Variants in UGT2A3 observed in about 807,000 individuals in gnomAD.
The protein encoded by UGT2A3 is UDP-glucuronosyltransferase 2A3.
UGT2A3 carries 55 observed loss-of-function variants against 44.1 expected under a neutral mutation model. The ratio of observed to expected loss-of-function variants is 1.25; its 90% CI spans 1.00 to 1.56. The LOEUF is 1.56. Ranked by LOEUF, UGT2A3 falls within the 40% of genes most tolerant of loss-of-function variation. The pLI is 0.00. For missense variants in UGT2A3, 733 were observed against 621.6 expected (o/e 1.18, Z -1.91); for synonymous variants, 243 against 215.1 (o/e 1.13, Z -1.13).
In UGT2A3 at chr4:68,951,771, C is replaced by G. The variant is rs952009345; in HGVS notation, c.-11G>C. On this transcript the variant is annotated 5_prime_UTR_variant, in exon 1 of 6. Coordinates refer to ENST00000251566, the MANE Select transcript of UGT2A3 (RefSeq NM_024743.4). ...CTTGTCAGACCTCATGATGGCAGTT[C>G]CCTCACACACTGATCTGCAATGGTT... 25 of 1,550,766 alleles carry G rather than the reference C, an allele frequency of 1.6e-5. No homozygotes were observed. The highest frequency in any genetic ancestry group is 2.0e-5 in the Non-Finnish European group (23 of 1,147,678).
chr4:68,937,406 C>G (rs551814240), intron 2 of UGT2A3, among the ~76,000 whole-genome samples: 6 of 152,246 alleles, frequency 3.9e-5, no homozygotes, highest in Admixed American at 3.9e-4. Flanking sequence ...GATTAAGAAA[C>G]TCACTCAAAA....
intron 2 of UGT2A3, among the ~76,000 whole-genome samples, chr4:68,936,605 A>G (rs1717961438): frequency 6.6e-6 from 1 of 152,066 alleles, no homozygotes; most frequent in Non-Finnish European, 1.5e-5. Flanking sequence ...CACTGCAAAA[A>G]CATGCCAAAT....
Position 68,945,464 on chromosome 4 carries a change from A to G in UGT2A3, c.716-10T>C. 1 of 1,585,364 alleles carries G rather than the reference A, an allele frequency of 6.3e-7. No individual in the cohort carries two copies. Among genetic ancestry groups the G allele is most frequent in the Non-Finnish European group, 8.6e-7 (1 of 1,165,976 alleles). ...AATGTAGTGGGCCTTCCTCAATAAA[A>G]GAAATAACAGAATGAATTAGCATAC... On this transcript the variant is annotated splice_polypyrimidine_tract_variant and intron_variant, in intron 1 of 5. Coordinates refer to ENST00000251566, the MANE Select transcript of UGT2A3 (RefSeq NM_024743.4).
At chr4:68,944,382 C>T (rs1037995472) in intron 2 of UGT2A3, among the ~76,000 whole-genome samples, 4 of 151,772 alleles carry the variant, frequency 2.6e-5, no homozygotes, top group South Asian at 2.1e-4. Flanking sequence ...TATCCTAGAA[C>T]CTTGTCAGGT....
At chr4:68,947,263 T>C (rs549000671) in intron 1 of UGT2A3, among the ~76,000 whole-genome samples, 1 of 151,786 alleles carries the variant, frequency 6.6e-6, no homozygotes, top group Non-Finnish European at 1.5e-5. Flanking sequence ...TTCAACAATG[T>C]TCATAGCATT....
At position 68,930,678 on chromosome 4, in the gene UGT2A3, A is replaced by AG; in HGVS notation, c.1171_1172insC (p.Val391AlafsTer6). 1 of 1,613,282 alleles carries AG rather than the reference A, an allele frequency of 6.2e-7. No individual in the cohort carries two copies. The highest frequency in any genetic ancestry group is 8.5e-7 in the Non-Finnish European group (1 of 1,179,558). ...ATCAAGCTGATCACCAAATATGGGAACTCCCACCATAGGGACCCCATGGTA... is the reference window on the plus strand; with the variant it reads ...ATCAAGCTGATCACCAAATATGGGAAGCTCCCACCATAGGGACCCCATGGTA... On this transcript the variant is annotated frameshift_variant, in exon 5 of 6. Coordinates refer to ENST00000251566, the MANE Select transcript of UGT2A3 (RefSeq NM_024743.4). LOFTEE classifies it high-confidence loss of function.
rs758648532 is a variant in UGT2A3, at chr4:68,951,694, A to C, written c.67T>G (p.Cys23Gly). ...CAGGGCCACACCAGGACTTTCCCAC[A>C]GAATCCACAGCCAACACAGAAGAGC... The part of the protein sequence containing the change: ...LQLFCVGCGF[C>G]GKVLVWPCDM... Residue 23 changes from cysteine to glycine, a missense_variant, in exon 1 of 6, where the codon TGT becomes GGT. Transcript: ENST00000251566. 1.2e-6 allele frequency: 2 copies of C among 1,611,454 alleles called. No individual in the cohort carries two copies. The highest frequency in any genetic ancestry group is 4.5e-5 in the East Asian group (2 of 44,718).
intron 2 of UGT2A3, among the ~76,000 whole-genome samples, chr4:68,935,071 G>T (rs1329267395): frequency 6.6e-6 from 1 of 151,046 alleles, no homozygotes; most frequent in Non-Finnish European, 1.5e-5. Flanking sequence ...GTTTAAATCA[G>T]TAATAAAGTC....
At chr4:68,932,850 A>T (rs1487967279) in intron 2 of UGT2A3, 91 bp from the exon 3 acceptor site, 11 of 1,287,592 alleles carry the variant, frequency 8.5e-6, no homozygotes, top group Non-Finnish European at 1.2e-5. Context: ...AATACTTGAG[A>T]AATTATTAAT....
In UGT2A3 at chr4:68,931,403, G is replaced by A. The variant is rs571791726; in HGVS notation, c.997-161C>T. ...TAAAGACTGAAAGATATAGTAGGACGTTTTACAAAGATCTTTTAAAATAAT... is the reference window on the plus strand; with the variant it reads ...TAAAGACTGAAAGATATAGTAGGACATTTTACAAAGATCTTTTAAAATAAT... On this transcript the variant is annotated intron_variant, in intron 3 of 5. Transcript: ENST00000251566. 4.6e-5 allele frequency among the ~76,000 whole-genome samples: 7 copies of A among 152,028 alleles called. No individual in the cohort carries two copies. In the South Asian group the frequency reaches 1.0e-3, roughly 23 times the overall value.
At chr4:68,930,158 A>G in intron 5 of UGT2A3, 66 bp from the exon 6 acceptor site, 10 of 1,488,938 alleles carry the variant, frequency 6.7e-6, no homozygotes, top group Non-Finnish European at 9.1e-6. Flanking sequence ...AGACAGGTAG[A>G]TAAACCGTAG....
Position 68,929,111 on chromosome 4 carries a change from G to A in UGT2A3, c.*702C>T, listed in dbSNP as rs1260123051. Reference sequence around the variant, plus strand: ...TTCACCTTGAATATCTTACTGACATGTTCTCTATGTGAGAAAAAAAATAGT... The same window carrying A: ...TTCACCTTGAATATCTTACTGACATATTCTCTATGTGAGAAAAAAAATAGT... On this transcript the variant is annotated 3_prime_UTR_variant, in exon 6 of 6. Coordinates refer to ENST00000251566, the MANE Select transcript of UGT2A3 (RefSeq NM_024743.4). 1 of 151,930 alleles carries A rather than the reference G, an allele frequency of 6.6e-6. No individual in the cohort carries two copies. The allele number at this position is 151,930 out of a possible 1,614,324, so 9.4% of individuals were successfully genotyped here. A position where few individuals can be genotyped will look rare whatever the true frequency, so the allele number is the denominator to read the frequency against.
chr4:68,931,919 T>A (rs1005207170), intron 3 of UGT2A3, among the ~76,000 whole-genome samples: 68 of 152,108 alleles, frequency 4.5e-4, no homozygotes, highest in African/African-American at 1.6e-3. Flanking sequence ...GATAATTTCA[T>A]AATTAAAATT....
chr4:68,935,465 G>A (rs1717914664), intron 2 of UGT2A3, among the ~76,000 whole-genome samples: 2 of 151,430 alleles, frequency 1.3e-5, no homozygotes, highest in Non-Finnish European at 2.9e-5. Flanking sequence ...TGAAGCTGAG[G>A]GACCTGGGTG....
chr4:68,934,865 T>C (rs1215760040), intron 2 of UGT2A3, among the ~76,000 whole-genome samples: 2 of 151,470 alleles, frequency 1.3e-5, no homozygotes, highest in African/African-American at 4.8e-5. Flanking sequence ...TGACATTTCA[T>C]CTCTAAAATC....
intron 3 of UGT2A3, among the ~76,000 whole-genome samples, 157 bp downstream of exon 3, chr4:68,932,471 T>C (rs1168398539): frequency 6.6e-6 from 1 of 152,002 alleles, no homozygotes; most frequent in Non-Finnish European, 1.5e-5. Context: ...CAAGACTCAG[T>C]AGGCAAATGA....
At chr4:68,940,752 A>T (rs992005796) in intron 2 of UGT2A3, among the ~76,000 whole-genome samples, 1 of 148,078 alleles carries the variant, frequency 6.8e-6, no homozygotes, top group African/African-American at 2.5e-5. Flanking sequence ...ATATACATAT[A>T]TATAATATAC....
At position 68,935,306 on chromosome 4, in the gene UGT2A3, A is replaced by G. The variant is rs537427039; in HGVS notation, c.865-2547T>C. The stretch of plus-strand genomic sequence containing the variant: ...TATATATATATATATATATATATAT[A>G]TATATATATATGCATAATATATTTG... On this transcript the variant is annotated intron_variant, in intron 2 of 5. Coordinates refer to ENST00000251566, the MANE Select transcript of UGT2A3 (RefSeq NM_024743.4). Among the ~76,000 whole-genome samples the G allele has an allele frequency of 7.0e-3, 790 of 113,138 alleles. 27 individuals carry two copies. Among genetic ancestry groups the G allele is most frequent in the African/African-American group, 0.027 (734 of 27,046 alleles). The allele number at this position is 113,138 out of a possible 152,430, so 74.2% of individuals were successfully genotyped here. A position where few individuals can be genotyped will look rare whatever the true frequency, so the allele number is the denominator to read the frequency against.
chr4:68,940,211 G>T (rs963245563), intron 2 of UGT2A3, among the ~76,000 whole-genome samples: 1 of 152,124 alleles, frequency 6.6e-6, no homozygotes, highest in Non-Finnish European at 1.5e-5. Flanking sequence ...TGTACACAAA[G>T]GATAGTAAAT....
Sources: allele counts gnomAD v4.1 joint callset (sites outside exome capture counted in the v4.1 genomes callset), GRCh38; gene constraint gnomAD v4.1.1; transcripts MANE v1.5; gene names NCBI Gene and HGNC (gene_info 2026-07-23, HGNC 2026-07-21).